The following SH3GL2 variants were observed in gnomAD, a reference collection of about 807,000 sequenced individuals.
SH3GL2 encodes the protein SH3 domain containing GRB2 like 2, endophilin A1.
SH3GL2 carries 24 observed loss-of-function variants against 46.0 expected under a neutral mutation model. The observed-to-expected ratio is 0.52, with a 90% confidence interval of 0.38 to 0.73. SH3GL2 has a LOEUF of 0.73. Ranked by LOEUF, SH3GL2 falls within the 30% of genes least tolerant of loss-of-function variation. The pLI, the probability that SH3GL2 is intolerant of heterozygous loss-of-function variation, is 0.00. For synonymous variants in SH3GL2, 196 were observed against 147.1 expected (o/e 1.33, Z -2.40); for missense variants, 413 against 424.2 (o/e 0.97, Z 0.23).
intron 8 of SH3GL2, 152 bp from the exon 9 acceptor site, chr9:17,795,392 C>T (rs1824246239): frequency 1.6e-6 from 1 of 627,694 alleles, no homozygotes; most frequent in African/African-American, 1.8e-5. Context: ...ACACTAAGGT[C>T]CAGTAGCAAG....
rs187239991 is a variant in SH3GL2 at position 17,646,935 on chromosome 9, G to T, written c.45+67648G>T. 4.6e-5 allele frequency among the ~76,000 whole-genome samples: 7 copies of T among 152,286 alleles called. No individual in the cohort carries two copies. In the South Asian group the frequency reaches 1.5e-3, roughly 32 times the overall value. On this transcript the variant is annotated intron_variant, in intron 1 of 8. Transcript: ENST00000380607. ...GTGATCCACTGCTCTCTTCAGAGCCGGCAGGCAGAGACGTTTAAAACTGCT... is the reference window on the plus strand; with the variant it reads ...GTGATCCACTGCTCTCTTCAGAGCCTGCAGGCAGAGACGTTTAAAACTGCT...
intron 1 of SH3GL2, among the ~76,000 whole-genome samples, chr9:17,701,296 T>A (rs1325289010): frequency 6.6e-6 from 1 of 152,268 alleles, no homozygotes; most frequent in East Asian, 1.9e-4. Context: ...CAAAAATGTT[T>A]TCATTCATAG....
intron 1 of SH3GL2, among the ~76,000 whole-genome samples, chr9:17,596,092 G>A (rs1275803957): frequency 6.6e-6 from 1 of 152,026 alleles, no homozygotes; most frequent in Admixed American, 6.6e-5. Context: ...GCCATCACGG[G>A]GACTAGGAAC....
At chr9:17,735,723 G>T (rs1822315208) in intron 1 of SH3GL2, 1 of 966,540 alleles carries the variant, frequency 1.0e-6, no homozygotes, top group African/African-American at 1.8e-5. Flanking sequence ...GCACAGAGTT[G>T]ATTGAGGCAG....
intron 1 of SH3GL2, among the ~76,000 whole-genome samples, chr9:17,585,553 T>C (rs113341760): frequency 0.02 from 3,107 of 152,002 alleles, 40 homozygotes; most frequent in African/African-American, 0.041. Flanking sequence ...TACAGGAGGA[T>C]AGGAGGGGGG....
chr9:17,754,933 A>G (rs978893888), intron 2 of SH3GL2, among the ~76,000 whole-genome samples: 1 of 152,148 alleles, frequency 6.6e-6, no homozygotes, highest in African/African-American at 2.4e-5. Flanking sequence ...GTCTGCAAAC[A>G]TGGATAGCTT....
chr9:17,704,529 A>C (rs1451209363), intron 1 of SH3GL2, among the ~76,000 whole-genome samples: 1 of 152,140 alleles, frequency 6.6e-6, no homozygotes, highest in Non-Finnish European at 1.5e-5. Context: ...CCTGACTTCA[A>C]ATTATGCTAC....
chr9:17,774,981 T>G (rs1324463889), intron 3 of SH3GL2, among the ~76,000 whole-genome samples: 1 of 152,196 alleles, frequency 6.6e-6, no homozygotes, highest in Non-Finnish European at 1.5e-5. Flanking sequence ...TCTGTTCAGA[T>G]TTTCTATTTC....
intron 1 of SH3GL2, among the ~76,000 whole-genome samples, chr9:17,697,387 C>G (rs1274932240): frequency 6.7e-6 from 1 of 150,160 alleles, no homozygotes; most frequent in Admixed American, 6.7e-5. Flanking sequence ...CCATGCCTGG[C>G]TAATTTTTGT....
intron 1 of SH3GL2, among the ~76,000 whole-genome samples, chr9:17,597,918 C>A (rs909806697): frequency 3.9e-5 from 6 of 152,162 alleles, no homozygotes; most frequent in Admixed American, 3.9e-4. Flanking sequence ...CATTAACCGC[C>A]AGGCTCTGTG....
intron 8 of SH3GL2, 42 bp downstream of exon 8, chr9:17,793,539 A>G (rs367843478): frequency 1.3e-6 from 2 of 1,595,590 alleles, no homozygotes. Flanking sequence ...AGCCCTTGGC[A>G]TATCCATTGG....
intron 1 of SH3GL2, among the ~76,000 whole-genome samples, chr9:17,582,014 C>T (rs1230435320): frequency 6.6e-6 from 1 of 152,170 alleles, no homozygotes; most frequent in Non-Finnish European, 1.5e-5. Flanking sequence ...GGAGTCTGTT[C>T]ACGCAAACGT....
intron 1 of SH3GL2, among the ~76,000 whole-genome samples, chr9:17,629,521 A>G (rs1477530176): frequency 6.6e-6 from 1 of 152,176 alleles, no homozygotes; most frequent in Non-Finnish European, 1.5e-5. Context: ...TATTCTTGTG[A>G]CTATTATTGA....
intron 1 of SH3GL2, among the ~76,000 whole-genome samples, chr9:17,585,958 C>G (rs1266868773): frequency 6.6e-6 from 1 of 152,020 alleles, no homozygotes; most frequent in African/African-American, 2.4e-5. Flanking sequence ...ACTTAAGGAG[C>G]CTAAAAGCTT....
chr9:17,685,662 A>G (rs1387658602), intron 1 of SH3GL2, among the ~76,000 whole-genome samples: 3 of 152,088 alleles, frequency 2.0e-5, no homozygotes, highest in African/African-American at 4.8e-5. Flanking sequence ...AGCTTTCTAC[A>G]TATGGCTAGC....
intron 5 of SH3GL2, among the ~76,000 whole-genome samples, chr9:17,787,876 G>C (rs992463563): frequency 6.6e-6 from 1 of 152,156 alleles, no homozygotes. Flanking sequence ...AGTTGTACTA[G>C]TTGTTAGCTT....
intron 2 of SH3GL2, among the ~76,000 whole-genome samples, chr9:17,750,852 C>G (rs1822820651): frequency 6.6e-6 from 1 of 152,180 alleles, no homozygotes; most frequent in African/African-American, 2.4e-5. Flanking sequence ...TCCCTGCCTT[C>G]AAGGGGCTTC....
chr9:17,708,903 G>A (rs1489758251), intron 1 of SH3GL2, among the ~76,000 whole-genome samples: 6 of 151,988 alleles, frequency 3.9e-5, no homozygotes, highest in African/African-American at 1.4e-4. Context: ...CTTCAGGCTT[G>A]TTAGGTTTCA....
At chr9:17,647,213 T>A (rs1429592094) in intron 1 of SH3GL2, among the ~76,000 whole-genome samples, 1 of 152,220 alleles carries the variant, frequency 6.6e-6, no homozygotes, top group Non-Finnish European at 1.5e-5. Flanking sequence ...TAGGAAATGA[T>A]AGTATATTCT....
Sources: allele counts gnomAD v4.1 joint callset (sites outside exome capture counted in the v4.1 genomes callset), GRCh38; gene constraint gnomAD v4.1.1; transcripts MANE v1.5; gene names NCBI Gene and HGNC (gene_info 2026-07-23, HGNC 2026-07-21).